FBXO27: variants seen among roughly 807,000 people sequenced by gnomAD.
The protein encoded by FBXO27 is F-box only protein 27.
FBXO27 carries 28 observed loss-of-function variants against 28.3 expected under a neutral mutation model. The ratio of observed to expected loss-of-function variants is 0.99; its 90% confidence interval spans 0.73 to 1.36. The LOEUF is 1.36. Among genes scored for constraint, FBXO27 ranks in the 40% most tolerant of loss-of-function variants. FBXO27 has a pLI of 0.00. For synonymous variants in FBXO27, 175 were observed against 167.3 expected (o/e 1.05, Z -0.36); for missense variants, 388 against 394.1 (o/e 0.98, Z 0.13).
chr19:39,025,670 G>A, intron 5 of FBXO27, 116 bp from the exon 6 acceptor site: 1 of 1,294,294 alleles, frequency 7.7e-7, no homozygotes, highest in Non-Finnish European at 1.0e-6. Context: ...TCTCCAATTG[G>A]GCCACATGTT....
In FBXO27 at chr19:39,025,209, TA is replaced by T; in HGVS notation, c.*201del. Reference sequence around the variant, plus strand: ...CCCCCCCGCAAAGCAGCAGCTGCAGTAGGTAGATAAGATGGAAGAAGCTTCT... The same window carrying T: ...CCCCCCCGCAAAGCAGCAGCTGCAGTGGTAGATAAGATGGAAGAAGCTTCT... On this transcript the variant is annotated 3_prime_UTR_variant, in exon 6 of 6. Coordinates refer to ENST00000292853, the MANE Select transcript of FBXO27 (RefSeq NM_178820.5). 4 of 622,014 alleles carry T rather than the reference TA, an allele frequency of 6.4e-6. No homozygotes were observed. The South Asian group carries it at 1.0e-4, about 16-fold the overall frequency. The allele number at this position is 622,014 out of a possible 1,614,324, so 38.5% of individuals were successfully genotyped here.
At chr19:39,020,250 G>A (rs940504594), downstream of FBXO27, among the ~76,000 whole-genome samples, 1 of 152,108 alleles carries the variant, frequency 6.6e-6, no homozygotes, top group Non-Finnish European at 1.5e-5. Context: ...AGACTTGAAA[G>A]ATAAAGCTGC....
At chr19:39,023,201 A>G (rs184951838), downstream of FBXO27, among the ~76,000 whole-genome samples, 196 of 152,282 alleles carry the variant, frequency 1.3e-3, 1 homozygote, top group African/African-American at 4.5e-3. Context: ...CCCCCAGAGT[A>G]CTGGGATTAC....
chr19:39,030,715 G>A (rs779140705), intron 4 of FBXO27: 12 of 346,920 alleles, frequency 3.5e-5, no homozygotes, highest in Non-Finnish European at 6.5e-5. Flanking sequence ...TGATTCTCCT[G>A]CCTCAGCCTC....
downstream of FBXO27, among the ~76,000 whole-genome samples, chr19:39,019,996 T>C (rs2072837898): frequency 6.6e-6 from 1 of 152,002 alleles, no homozygotes; most frequent in African/African-American, 2.4e-5. Flanking sequence ...CAAGCGATTC[T>C]CCCCACTTGG....
In FBXO27 at chr19:39,031,035, G is replaced by A. The variant is rs1177784179; in HGVS notation, c.566C>T (p.Ser189Phe). ...LDSGRIEICV[S>F]DWWGARHDSG... The stretch of plus-strand genomic sequence containing the variant: ...TTTTAATCGTCACACTCACCAGTCA[G>A]AGACACAAATCTCAATCCTGCCACT... The change falls in exon 4 of 6, where the codon TCT becomes TTT. Residue 189 changes from serine (S) to phenylalanine (F), a missense_variant. Physicochemically the swap from Ser to Phe is radical, Grantham distance 155. Coordinates refer to ENST00000292853, the MANE Select transcript of FBXO27 (RefSeq NM_178820.5). The A allele has an allele frequency of 3.1e-6, 5 of 1,611,332 alleles. No individual in the cohort carries two copies. Among genetic ancestry groups the A allele is most frequent in the East Asian group, 2.2e-5 (1 of 44,892 alleles).
chr19:39,009,226 T>C (rs2072783670), intron 2 of FBXO27, among the ~76,000 whole-genome samples: 1 of 152,236 alleles, frequency 6.6e-6, no homozygotes, highest in Non-Finnish European at 1.5e-5. Flanking sequence ...TCTTTGTCTC[T>C]TATGAATAAT....
chr19:39,022,030 A>G (rs2072847554), downstream of FBXO27, among the ~76,000 whole-genome samples: 1 of 151,820 alleles, frequency 6.6e-6, no homozygotes, highest in South Asian at 2.1e-4. Flanking sequence ...TCAACTATAT[A>G]ATATTTCCAC....
At chr19:39,012,375 G>A (rs1431340480) in intron 2 of FBXO27, among the ~76,000 whole-genome samples, 1 of 150,480 alleles carries the variant, frequency 6.6e-6, no homozygotes, top group Non-Finnish European at 1.5e-5. Flanking sequence ...ATAGAGATGG[G>A]GTTTCTCCAT....
Position 39,025,349 on chromosome 19 carries a change from G to A in FBXO27, c.*62C>T, listed in dbSNP as rs761526839. 93 of 1,559,446 alleles carry A rather than the reference G, an allele frequency of 6.0e-5. No individual in the cohort carries two copies. Among genetic ancestry groups the A allele is most frequent in the Non-Finnish European group, 7.8e-5 (90 of 1,148,672 alleles). ...CTTGGTTGGTTAATGAGGGGTCCCA[G>A]CCAATGGTCCCAGGCCCTGGAAGGC... is the stretch of plus-strand genomic sequence containing the variant. On this transcript the variant is annotated 3_prime_UTR_variant, in exon 6 of 6. Transcript: ENST00000292853.
chr19:39,027,409 G>A (rs949919835), intron 4 of FBXO27, among the ~76,000 whole-genome samples: 4 of 152,140 alleles, frequency 2.6e-5, no homozygotes, highest in African/African-American at 9.7e-5. Flanking sequence ...GGACACCGAG[G>A]CTCAAGTGAA....
chr19:39,010,304 T>C (rs1139251), intron 2 of FBXO27, among the ~76,000 whole-genome samples: 65,495 of 151,896 alleles, frequency 0.43, 14,789 homozygotes, highest in Middle Eastern at 0.58. Context: ...TGGTGTGAGA[T>C]AGGGGCCCAG....
chr19:39,009,956 GCTA>G (rs1416737801), intron 2 of FBXO27, among the ~76,000 whole-genome samples: 2 of 151,572 alleles, frequency 1.3e-5, no homozygotes, highest in Non-Finnish European at 2.9e-5. Flanking sequence ...ATTATAGGCA[GCTA>G]CCACCACTCC....
At chr19:39,009,011 G>A (rs972484108) in intron 2 of FBXO27, among the ~76,000 whole-genome samples, 3 of 152,054 alleles carry the variant, frequency 2.0e-5, no homozygotes, top group African/African-American at 7.2e-5. Context: ...TAGTAGAGAC[G>A]GGGTTTCACC....
chr19:39,013,625 G>A (rs8108019), intron 2 of FBXO27, among the ~76,000 whole-genome samples: 13,280 of 151,298 alleles, frequency 0.088, 768 homozygotes, highest in Non-Finnish European at 0.12. Flanking sequence ...AGGAGACTCC[G>A]TCTAAAAAAA....
In FBXO27 at chr19:39,032,114, C is replaced by G; in HGVS notation, c.114G>C (p.Leu38=). The G allele has an allele frequency of 1.3e-6, 2 of 1,534,042 alleles. No individual in the cohort carries two copies. Among genetic ancestry groups the G allele is most frequent in the Non-Finnish European group, 1.7e-6 (2 of 1,148,444 alleles). ...QLPPELLLVV[L]SHVPPRTLLG... Reference sequence around the variant, plus strand: ...GCAGCGTGCGCGGGGGGACGTGGCTCAGCACCACCAGAAGCAGCTCTGGGG... The same window carrying G: ...GCAGCGTGCGCGGGGGGACGTGGCTGAGCACCACCAGAAGCAGCTCTGGGG... Residue 38 remains leucine (L), a synonymous_variant, in exon 2 of 6, where the codon CTG becomes CTC. Coordinates refer to ENST00000292853, the MANE Select transcript of FBXO27 (RefSeq NM_178820.5). This position sits in a 1 kb window ranked among gnomAD's most constrained non-coding sequence, Gnocchi z 4.7.
chr19:39,030,103 G>C (rs1464784829), intron 4 of FBXO27, among the ~76,000 whole-genome samples: 1 of 152,042 alleles, frequency 6.6e-6, no homozygotes, highest in African/African-American at 2.4e-5. Context: ...CGGCCTCCCA[G>C]AGTGCTGGGA....
intron 4 of FBXO27, among the ~76,000 whole-genome samples, chr19:39,027,335 G>A (rs1345973958): frequency 1.3e-5 from 2 of 152,288 alleles, no homozygotes; most frequent in Admixed American, 1.3e-4. Context: ...CCTGGAGGCT[G>A]AGATTAACCA....
rs59646562 is a variant in FBXO27, at chr19:39,015,318, CAAAAAAAAAAAAAA to C, written c.92-785_92-772del. Among the ~76,000 whole-genome samples, 50 of 36,456 alleles carry C rather than the reference CAAAAAAAAAAAAAA, an allele frequency of 1.4e-3. 1 individual carries two copies. The highest frequency in any genetic ancestry group is 6.2e-3 in the African/African-American group (46 of 7,472). The allele number at this position is 36,456 out of a possible 152,430, so 23.9% of individuals were successfully genotyped here. A position where few individuals can be genotyped will look rare whatever the true frequency, so the allele number is the denominator to read the frequency against. On this transcript the variant is annotated intron_variant, in intron 1 of 2. Coordinates refer to the FBXO27 transcript ENST00000598394. ...TGGGTGACAGAGCAAGACTCTGTCT[CAAAAAAAAAAAAAA>C]AAAAAAAAAAAAAAAAGGCTGAGTG...
Sources: gnomAD v4.1 joint callset for allele counts (sites outside exome capture counted in the v4.1 genomes callset) on GRCh38, gnomAD v4.1.1 for gene constraint, Gnocchi (gnomAD v3.1) non-coding constraint, MANE v1.5 for transcripts, NCBI Gene and HGNC (gene_info 2026-07-23, HGNC 2026-07-21) for gene names.